Variants in ACACA observed in about 807,000 individuals in gnomAD.
The protein encoded by ACACA is acetyl-CoA carboxylase alpha.
ACACA carries 103 observed loss-of-function variants against 296.1 expected under a neutral mutation model. That is an observed-to-expected ratio of 0.35 (90% CI 0.30 to 0.41). ACACA has a LOEUF of 0.41. Ranked by LOEUF, ACACA falls within the 10% of genes least tolerant of loss-of-function variation. The pLI, the probability that ACACA is intolerant of heterozygous loss-of-function variation, is 1.00. For synonymous variants in ACACA, 953 were observed against 1,038.6 expected (o/e 0.92, Z 1.58); for missense variants, 1,554 against 2,989.7 (o/e 0.52, Z 11.20).
intron 5 of ACACA, 107 bp from the exon 6 acceptor site, chr17:37,278,112 G>A (rs78436353): frequency 0.014 from 11,418 of 810,678 alleles, 165 homozygotes; most frequent in East Asian, 0.051. Flanking sequence ...GTAACCACAG[G>A]ACAAACAGCA....
intron 31 of ACACA, 140 bp downstream of exon 31, chr17:37,207,517 G>A: frequency 1.0e-6 from 1 of 969,126 alleles, no homozygotes; most frequent in Non-Finnish European, 1.6e-6. Flanking sequence ...CTCTCCAACG[G>A]CATATACAGC....
chr17:37,339,116 GTTAAGT>G (rs2048272229), intron 2 of ACACA, among the ~76,000 whole-genome samples: 1 of 152,190 alleles, frequency 6.6e-6, no homozygotes, highest in African/African-American at 2.4e-5. Context: ...GCAGTAAATA[GTTAAGT>G]TTAAAAGTAA....
intron 1 of ACACA, chr17:37,359,076 G>A: frequency 1.0e-6 from 1 of 985,932 alleles, no homozygotes; most frequent in Non-Finnish European, 1.2e-6. Flanking sequence ...GGAGACGCCG[G>A]CGGCTCGGGC....
intron 42 of ACACA, among the ~76,000 whole-genome samples, chr17:37,160,489 T>A (rs2076416246): frequency 6.6e-6 from 1 of 152,050 alleles, no homozygotes; most frequent in Admixed American, 6.6e-5. Flanking sequence ...GAGAGGGAAG[T>A]GCGTGTTACA....
chr17:37,348,492 TAAC>T (rs2048734290), intron 1 of ACACA, among the ~76,000 whole-genome samples: 1 of 152,038 alleles, frequency 6.6e-6, no homozygotes, highest in African/African-American at 2.4e-5. Flanking sequence ...TTATCAGAAA[TAAC>T]AACAGAAGCT....
Position 37,393,794 on chromosome 17 carries a change from G to C in ACACA, c.38+12468C>G, listed in dbSNP as rs995048936. On this transcript the variant is annotated intron_variant, in intron 1 of 55. Transcript: ENST00000616317. The stretch of plus-strand genomic sequence containing the variant: ...GATTGAACCATTGCACTCCAGCCTG[G>C]GTGACAGAGCGAGACTGTCTCAAAG... Among the ~76,000 whole-genome samples the C allele has an allele frequency of 8.2e-4, 124 of 151,652 alleles. 2 individuals carry two copies. Among genetic ancestry groups the C allele is most frequent in the Non-Finnish European group, 6.6e-4 (45 of 67,962 alleles).
chr17:37,360,421 A>G (rs1338413367), intron 1 of ACACA: 1 of 152,198 alleles, frequency 6.6e-6, no homozygotes, highest in African/African-American at 2.4e-5. Flanking sequence ...AGATTGGTCA[A>G]CAAGGAACAA....
chr17:37,250,150 A>C (rs2080914641), intron 16 of ACACA, among the ~76,000 whole-genome samples: 1 of 152,234 alleles, frequency 6.6e-6, no homozygotes, highest in Non-Finnish European at 1.5e-5. Context: ...GTGAGAACAG[A>C]CTAATACACA....
chr17:37,159,439 C>T (rs960326115), intron 42 of ACACA, among the ~76,000 whole-genome samples: 24 of 152,132 alleles, frequency 1.6e-4, no homozygotes, highest in African/African-American at 5.1e-4. Flanking sequence ...CCAGGCTGAT[C>T]TCGAACTCCT....
chr17:37,209,185 C>T (rs1044878333), intron 30 of ACACA, among the ~76,000 whole-genome samples: 19 of 152,138 alleles, frequency 1.2e-4, no homozygotes, highest in African/African-American at 4.6e-4. Flanking sequence ...AAATGAAACA[C>T]ACATCAAGCA....
chr17:37,382,357 GT>G (rs569313234), intron 1 of ACACA, among the ~76,000 whole-genome samples: 1,987 of 145,594 alleles, frequency 0.014, 44 homozygotes, highest in African/African-American at 0.045. Context: ...TTTTCATATA[GT>G]TTTTTTTTTT....
At chr17:37,098,095 T>G in intron 52 of ACACA, 111 bp from the exon 53 acceptor site, 1 of 1,361,306 alleles carries the variant, frequency 7.3e-7, no homozygotes. Flanking sequence ...CTCTTCCCTC[T>G]GTGGCCTGGC....
At chr17:37,267,039 C>T (rs1054587364) in intron 10 of ACACA, among the ~76,000 whole-genome samples, 3 of 152,170 alleles carry the variant, frequency 2.0e-5, no homozygotes, top group Admixed American at 6.5e-5. Flanking sequence ...CAATGTCTTA[C>T]GTTTTACTTT....
At chr17:37,382,247 G>A (rs763473501) in intron 1 of ACACA, among the ~76,000 whole-genome samples, 19 of 151,974 alleles carry the variant, frequency 1.3e-4, no homozygotes, top group Non-Finnish European at 2.6e-4. Context: ...CCACACTGGG[G>A]GAGAATGCCT....
chr17:37,131,581 C>T (rs2075100183), intron 45 of ACACA, among the ~76,000 whole-genome samples: 1 of 152,166 alleles, frequency 6.6e-6, no homozygotes, highest in African/African-American at 2.4e-5. Context: ...ATCTAACTAA[C>T]TAAGGGCCAG....
chr17:37,135,225 T>G (rs1440598916), intron 45 of ACACA, among the ~76,000 whole-genome samples: 1 of 152,222 alleles, frequency 6.6e-6, no homozygotes. Flanking sequence ...GAATTAAATC[T>G]CTAGGGAGAT....
intron 27 of ACACA, among the ~76,000 whole-genome samples, chr17:37,224,310 A>C (rs189063232): frequency 6.6e-6 from 1 of 152,184 alleles, no homozygotes; most frequent in Non-Finnish European, 1.5e-5. Flanking sequence ...ATAAGAAAAA[A>C]CATCCTTTTT....
intron 42 of ACACA, 55 bp downstream of exon 42, chr17:37,161,726 C>A: frequency 6.3e-7 from 1 of 1,593,384 alleles, no homozygotes; most frequent in African/African-American, 1.3e-5. Context: ...CACCTCTCCA[C>A]ACATGTAGCA....
At chr17:37,100,628 C>A in intron 52 of ACACA, among the ~76,000 whole-genome samples, 1 of 133,620 alleles carries the variant, frequency 7.5e-6, no homozygotes, top group Non-Finnish European at 1.6e-5. Flanking sequence ...CAGACCGCCC[C>A]TCAAAAAAAA....
Sources: gnomAD v4.1 joint callset for allele counts (sites outside exome capture counted in the v4.1 genomes callset) on GRCh38, gnomAD v4.1.1 for gene constraint, MANE v1.5 for transcripts, NCBI Gene and HGNC (gene_info 2026-07-23, HGNC 2026-07-21) for gene names.